EFCAB7: variants seen among roughly 807,000 people sequenced by gnomAD.
EFCAB7 encodes the protein EF-hand calcium binding domain 7.
In EFCAB7, 66 loss-of-function variants were observed where a neutral mutation model predicts 77.1. That is an observed-to-expected ratio of 0.86 (90% CI 0.70 to 1.05). The LOEUF is 1.05. Ranked by LOEUF, EFCAB7 falls within the 50% of genes least tolerant of loss-of-function variation. The probability of loss-of-function intolerance (pLI) is 0.00; values close to 1 mark genes in which losing one functional copy is unlikely to be tolerated. For synonymous variants in EFCAB7, 225 were observed against 243.3 expected (o/e 0.92, Z 0.70); for missense variants, 638 against 730.5 (o/e 0.87, Z 1.46).
At chr1:63,534,304 C>CAA (rs1646737772) in intron 6 of EFCAB7, 88 bp downstream of exon 6, 1 of 1,150,740 alleles carries the variant, frequency 8.7e-7, no homozygotes, top group Non-Finnish European at 1.2e-6. Flanking sequence ...TACAGGGAAC[C>CAA]AGTAAAGTTT....
intron 8 of EFCAB7, among the ~76,000 whole-genome samples, chr1:63,554,446 T>A (rs1647004379): frequency 6.6e-6 from 1 of 152,140 alleles, no homozygotes; most frequent in Admixed American, 6.5e-5. Flanking sequence ...TTCAAGTGAT[T>A]CTCCTGCCTC....
At chr1:63,560,594 G>C (rs1647086254) in intron 10 of EFCAB7, among the ~76,000 whole-genome samples, 1 of 140,230 alleles carries the variant, frequency 7.1e-6, no homozygotes, top group Non-Finnish European at 1.5e-5. Context: ...TCAGCTCACT[G>C]CAACCTCCGC....
Position 63,568,147 on chromosome 1 carries a change from T to C in EFCAB7, c.1498-163T>C, listed in dbSNP as rs181080319. On this transcript the variant is annotated intron_variant, in intron 11 of 13. Transcript: ENST00000371088. ...AATATGCTACCAAAAAGTCAGGATT[T>C]CATGCTTGCTTATTACTCAATTCAT... 2.9e-3 allele frequency among the ~76,000 whole-genome samples: 440 copies of C among 152,314 alleles called. 2 individuals carry two copies. Among genetic ancestry groups the C allele is most frequent in the African/African-American group, 9.9e-3 (411 of 41,576 alleles).
rs150070539 is a variant in EFCAB7, at chr1:63,559,478, G to A, written c.1348+2231G>A. Among the ~76,000 whole-genome samples the A allele has an allele frequency of 3.9e-3, 598 of 152,028 alleles. 3 individuals are homozygous for A. The highest frequency in any genetic ancestry group is 0.014 in the African/African-American group (575 of 41,464). On this transcript the variant is annotated intron_variant, in intron 10 of 13. Coordinates refer to ENST00000371088, the MANE Select transcript of EFCAB7 (RefSeq NM_032437.4). The stretch of plus-strand genomic sequence containing the variant: ...AGTTTACATTAGGTTCAGTCTTTTT[G>A]TTTGTTTGTTTGAGTCACTGTTAGC...
intron 10 of EFCAB7, among the ~76,000 whole-genome samples, chr1:63,558,226 A>C (rs551453302): frequency 6.6e-6 from 1 of 152,326 alleles, no homozygotes; most frequent in South Asian, 2.1e-4. Flanking sequence ...ATAATCTTTT[A>C]ATTGGCACTA....
chr1:63,547,536 T>C (rs1320020883), intron 7 of EFCAB7: 1 of 152,214 alleles, frequency 6.6e-6, no homozygotes, highest in South Asian at 2.1e-4. Context: ...AGGTGTCATA[T>C]GAATAAAGAC....
rs1458280624 is a variant in EFCAB7 at position 63,551,793 on chromosome 1, A to G, written c.1015A>G (p.Asn339Asp). 20 of 1,597,180 alleles carry G rather than the reference A, an allele frequency of 1.3e-5. No homozygotes were observed. The highest frequency in any genetic ancestry group is 1.6e-5 in the Non-Finnish European group (19 of 1,171,624). Residue 339 changes from asparagine to aspartate, a missense_variant, in exon 8 of 14, where the codon AAT (asparagine) becomes GAT (aspartate). Physicochemically the swap from Asn to Asp is conservative, Grantham distance 23. Coordinates refer to ENST00000371088, the MANE Select transcript of EFCAB7 (RefSeq NM_032437.4). ...TCTCAAGGAAAATGAGAGTCAAGCAAATCTACAGCTTGTGTGTTTTACCGA... is the reference window on the plus strand; with the variant it reads ...TCTCAAGGAAAATGAGAGTCAAGCAGATCTACAGCTTGTGTGTTTTACCGA... ...YILKENESQA[N>D]LQLVCFTELR...
At chr1:63,530,699 G>A (rs1211317820) in intron 2 of EFCAB7, among the ~76,000 whole-genome samples, 1 of 152,106 alleles carries the variant, frequency 6.6e-6, no homozygotes, top group African/African-American at 2.4e-5. Context: ...TTGATTTTTA[G>A]CAGGACCATG....
intron 7 of EFCAB7, chr1:63,547,803 C>T (rs932255587): frequency 5.9e-5 from 9 of 152,156 alleles, no homozygotes; most frequent in Admixed American, 2.6e-4. Flanking sequence ...CTTGACTCAG[C>T]CTCATATGAT....
chr1:63,546,078 T>C (rs1156843275), intron 7 of EFCAB7, 21 bp downstream of exon 7: 9 of 1,602,144 alleles, frequency 5.6e-6, no homozygotes, highest in Non-Finnish European at 7.6e-6. Flanking sequence ...GTTTTTTGTA[T>C]ATTTTTAAAA....
At chr1:63,536,495 C>T (rs745919060) in intron 6 of EFCAB7, among the ~76,000 whole-genome samples, 8 of 152,150 alleles carry the variant, frequency 5.3e-5, no homozygotes, top group Non-Finnish European at 1.2e-4. Flanking sequence ...ATTCTCCTCC[C>T]TCAGCTACCC....
At chr1:63,562,957 C>G (rs879860259) in intron 11 of EFCAB7, among the ~76,000 whole-genome samples, 7 of 152,158 alleles carry the variant, frequency 4.6e-5, no homozygotes, top group Non-Finnish European at 8.8e-5. Flanking sequence ...CCTTCATTAA[C>G]CTGTTTGGTG....
chr1:63,571,255 C>G (rs182635619), intron 13 of EFCAB7, 127 bp downstream of exon 13: 231 of 636,678 alleles, frequency 3.6e-4, no homozygotes, highest in African/African-American at 3.6e-3. Flanking sequence ...ATATTTGTAT[C>G]AGTATCATTC....
chr1:63,580,557 A>G, the EFCAB7 span, among the ~76,000 whole-genome samples: 2 of 152,108 alleles, frequency 1.3e-5, no homozygotes, highest in Non-Finnish European at 2.9e-5. Flanking sequence ...TAGCTATTTT[A>G]GTTTCTTTCC....
intron 9 of EFCAB7, among the ~76,000 whole-genome samples, chr1:63,556,063 A>C (rs546141290): frequency 6.6e-6 from 1 of 152,262 alleles, no homozygotes; most frequent in South Asian, 2.1e-4. Flanking sequence ...TAAAAAGTCA[A>C]ACCCATAGAA....
intron 7 of EFCAB7, 152 bp downstream of exon 7, chr1:63,546,209 C>A: frequency 1.3e-6 from 1 of 798,744 alleles, no homozygotes; most frequent in Non-Finnish European, 1.9e-6. Flanking sequence ...TTGGCTTATA[C>A]ATGAACTGTG....
chr1:63,539,382 T>TA (rs1646801895), intron 6 of EFCAB7, among the ~76,000 whole-genome samples: 1 of 152,178 alleles, frequency 6.6e-6, no homozygotes, highest in African/African-American at 2.4e-5. Flanking sequence ...GAAAACCAAA[T>TA]AATTAAGTTT....
intron 6 of EFCAB7, chr1:63,536,762 G>A (rs1157479165): frequency 6.6e-6 from 1 of 152,166 alleles, no homozygotes; most frequent in Non-Finnish European, 1.5e-5. Context: ...TAAAAGAACT[G>A]TAATACTTGA....
At chr1:63,556,849 G>A (rs1647036381) in intron 9 of EFCAB7, among the ~76,000 whole-genome samples, 1 of 145,652 alleles carries the variant, frequency 6.9e-6, no homozygotes, top group African/African-American at 2.5e-5. Context: ...TTTTAGTAGA[G>A]AAACCCCATC....
Sources: allele counts gnomAD v4.1 joint callset (sites outside exome capture counted in the v4.1 genomes callset), GRCh38; gene constraint gnomAD v4.1.1; transcripts MANE v1.5; gene names NCBI Gene and HGNC (gene_info 2026-07-23, HGNC 2026-07-21).